The following KIF26B variants were observed in gnomAD, a reference collection of about 807,000 sequenced individuals.
The protein encoded by KIF26B is kinesin-like protein KIF26B.
A neutral mutation model predicts 151.2 loss-of-function variants in KIF26B; 63 were observed. The ratio of observed to expected loss-of-function variants is 0.42; its 90% CI spans 0.34 to 0.51. The LOEUF is 0.51. KIF26B is among the 20% of genes least tolerant of loss of function. The pLI, the probability that KIF26B is intolerant of heterozygous loss-of-function variation, is 0.07. For synonymous variants in KIF26B, 1,357 were observed against 1,262.1 expected, an observed-to-expected ratio of 1.08 and a Z score of -1.59; for missense variants, 2,813 against 2,913.6, an observed-to-expected ratio of 0.97 and a Z score of 0.79.
In KIF26B at chr1:245,708,902, T is replaced by C. The variant is rs1239120403; in HGVS notation, c.*6296T>C. Reference sequence around the variant, plus strand: ...GACAAGGTCTGCCCAGGTGCATTTATTGTGCCAGAAACAGTGAATTCCTAA... The same window carrying C: ...GACAAGGTCTGCCCAGGTGCATTTACTGTGCCAGAAACAGTGAATTCCTAA... On this transcript the variant is annotated 3_prime_UTR_variant, in exon 15 of 15. Transcript: ENST00000407071. The C allele has an allele frequency of 2.0e-5, 3 of 152,218 alleles. No individual in the cohort carries two copies. Among genetic ancestry groups the C allele is most frequent in the Non-Finnish European group, 4.4e-5 (3 of 68,030 alleles). The allele number at this position is 152,218 out of a possible 1,614,324, so 9.4% of individuals were successfully genotyped here. A position where few individuals can be genotyped will look rare whatever the true frequency, so the allele number is the denominator to read the frequency against.
At chr1:245,635,148 T>G (rs2103175751) in intron 9 of KIF26B, among the ~76,000 whole-genome samples, 1 of 151,596 alleles carries the variant, frequency 6.6e-6, no homozygotes, top group South Asian at 2.1e-4. Flanking sequence ...GGTATCAGAT[T>G]AGTATAGTAT....
At chr1:245,256,745 A>T (rs1670543440) in intron 2 of KIF26B, among the ~76,000 whole-genome samples, 1 of 152,224 alleles carries the variant, frequency 6.6e-6, no homozygotes, top group Non-Finnish European at 1.5e-5. Flanking sequence ...ACCAGCATTC[A>T]CATTAAAATA....
chr1:245,158,416 T>C (rs34307594), intron 2 of KIF26B, among the ~76,000 whole-genome samples: 14,577 of 152,298 alleles, frequency 0.096, 772 homozygotes, highest in African/African-American at 0.12. Context: ...AACATTCACT[T>C]ACAGTGTCAC....
At chr1:245,282,314 T>C (rs1484572889) in intron 2 of KIF26B, among the ~76,000 whole-genome samples, 1 of 152,162 alleles carries the variant, frequency 6.6e-6, no homozygotes, top group Non-Finnish European at 1.5e-5. Flanking sequence ...AGAACAAAGC[T>C]GGAGGCATCA....
intron 4 of KIF26B, among the ~76,000 whole-genome samples, chr1:245,506,220 G>A (rs1660726381): frequency 6.6e-6 from 1 of 152,138 alleles, no homozygotes; most frequent in Admixed American, 6.5e-5. Context: ...CCCTCAGTTA[G>A]CCTTTGTCAC....
chr1:245,362,395 G>T (rs1055584939), intron 2 of KIF26B, among the ~76,000 whole-genome samples: 1 of 150,996 alleles, frequency 6.6e-6, no homozygotes, highest in African/African-American at 2.4e-5. Flanking sequence ...AAAATTAGCC[G>T]GGTGTGGTTG....
Position 245,609,389 on chromosome 1 carries a change from C to T in KIF26B, c.1775C>T (p.Ser592Leu), listed in dbSNP as rs934715037. 1.2e-6 allele frequency: 2 copies of T among 1,609,774 alleles called. No homozygotes were observed. The highest frequency in any genetic ancestry group is 2.7e-5 in the African/African-American group (2 of 74,872). Residue 592 changes from serine (S) to leucine (L), a missense_variant, in exon 8 of 15, where the codon TCA becomes TTA. Around this residue, in one of 3 missense-constraint regions of KIF26B, gnomAD observed 77 missense variants for 136.9 expected, o/e 0.56. Transcript: ENST00000407071. ...AAGGAAAAGACCGGCGCCCGTTTCT[C>T]AGTCCGGGTTTCCGCCGTGGAAGTG... ...ERKEKTGARF[S>L]VRVSAVEVWG...
Position 245,688,533 on chromosome 1 carries a change from C to T in KIF26B, c.5550C>T (p.Pro1850=). The change falls in exon 12 of 15, where the codon CCC becomes CCT. Residue 1850 remains proline, a synonymous_variant. Coordinates refer to ENST00000407071, the MANE Select transcript of KIF26B (RefSeq NM_018012.4). ...CGGCCGCGCACCTGCTCCCGTCGCCCTACAGCAAGATCACGCCCCCGCGGA... is the reference window on the plus strand; with the variant it reads ...CGGCCGCGCACCTGCTCCCGTCGCCTTACAGCAAGATCACGCCCCCGCGGA... ...EPAAAHLLPS[P]YSKITPPRRP... 1 of 1,536,596 alleles carries T rather than the reference C, an allele frequency of 6.5e-7. No individual in the cohort carries two copies. The highest frequency in any genetic ancestry group is 1.2e-5 in the South Asian group (1 of 83,620).
At chr1:245,271,582 CT>C (rs541575144) in intron 2 of KIF26B, among the ~76,000 whole-genome samples, 5,695 of 126,820 alleles carry the variant, frequency 0.045, 101 homozygotes, top group African/African-American at 0.062. Flanking sequence ...CAGTCAAATG[CT>C]TTTTTTTTTT....
intron 3 of KIF26B, among the ~76,000 whole-genome samples, chr1:245,384,697 A>G (rs985927541): frequency 4.6e-5 from 7 of 152,266 alleles, no homozygotes; most frequent in Admixed American, 6.5e-5. Context: ...CATTTAATCA[A>G]CAACTGTTTT....
intron 5 of KIF26B, among the ~76,000 whole-genome samples, chr1:245,541,890 G>A (rs1661634398): frequency 6.6e-6 from 1 of 152,126 alleles, no homozygotes; most frequent in Admixed American, 6.5e-5. Flanking sequence ...GCCTCAGAAG[G>A]CCTCTGTCTC....
rs768428085 is a variant in KIF26B, at chr1:245,685,521, T to C, written c.2538T>C (p.Ala846=). 5.0e-6 allele frequency: 8 copies of C among 1,613,414 alleles called. No homozygotes were observed. In the East Asian group the frequency reaches 1.8e-4, roughly 36 times the overall value. ...CGGTGGACCCTGACTTCCCCATCGCTCACCTGTCCAGCGACCCCGACTACT... is the reference window on the plus strand; with the variant it reads ...CGGTGGACCCTGACTTCCCCATCGCCCACCTGTCCAGCGACCCCGACTACT... ...RATVDPDFPI[A]HLSSDPDYSS... is the part of the protein sequence containing the mutation. The change falls in exon 12 of 15, where the codon GCT becomes GCC. Residue 846 remains alanine, a synonymous_variant. Transcript: ENST00000407071.
intron 5 of KIF26B, among the ~76,000 whole-genome samples, chr1:245,556,372 TTCC>T (rs1459304552): frequency 1.7e-5 from 2 of 118,022 alleles, no homozygotes; most frequent in Non-Finnish European, 3.4e-5. Context: ...CTTCTTCTTC[TTCC>T]TCCTTCTTCT....
At chr1:245,530,871 A>T (rs549935838) in intron 4 of KIF26B, among the ~76,000 whole-genome samples, 42 of 152,166 alleles carry the variant, frequency 2.8e-4, no homozygotes, top group Non-Finnish European at 4.9e-4. Flanking sequence ...TAGCTTATTG[A>T]TTGCATAGTT....
intron 2 of KIF26B, among the ~76,000 whole-genome samples, chr1:245,289,905 C>T (rs1384291955): frequency 6.6e-6 from 1 of 152,172 alleles, no homozygotes; most frequent in Non-Finnish European, 1.5e-5. Flanking sequence ...CTAAGCAAAC[C>T]ATCCTTTAGG....
At chr1:245,163,819 G>C (rs1419914955) in intron 2 of KIF26B, among the ~76,000 whole-genome samples, 3 of 152,030 alleles carry the variant, frequency 2.0e-5, no homozygotes, top group African/African-American at 7.2e-5. Context: ...TTTATGTGAA[G>C]GATATTGATC....
At chr1:245,457,186 G>A (rs1031186253) in intron 4 of KIF26B, among the ~76,000 whole-genome samples, 11 of 152,018 alleles carry the variant, frequency 7.2e-5, no homozygotes, top group African/African-American at 2.4e-4. Flanking sequence ...TTTTTAATGA[G>A]AGAATGACCT....
chr1:245,688,219 C>T lies in KIF26B; in HGVS notation c.5236C>T (p.Arg1746Cys). Residue 1746 changes from arginine (R) to cysteine (C), a missense_variant, in exon 12 of 15, where the codon CGC (arginine) becomes TGC (cysteine). Coordinates refer to ENST00000407071, the MANE Select transcript of KIF26B (RefSeq NM_018012.4). ...SRLLLASPRA[R>C]GPSASTTKTL... ...ACTCCTCCTGGCCAGCCCCAGAGCG[C>T]GCGGCCCGTCCGCCTCCACCACCAA... The T allele has an allele frequency of 2.5e-6, 4 of 1,587,900 alleles. No homozygotes were observed. Among genetic ancestry groups the T allele is most frequent in the Middle Eastern group, 1.7e-4 (1 of 6,016 alleles).
At chr1:245,533,664 C>T (rs1278825030) in intron 4 of KIF26B, among the ~76,000 whole-genome samples, 1 of 152,046 alleles carries the variant, frequency 6.6e-6, no homozygotes, top group Non-Finnish European at 1.5e-5. Context: ...AATCTTTAGA[C>T]ACTAAGGATA....
Sources: gnomAD v4.1 joint callset for allele counts (sites outside exome capture counted in the v4.1 genomes callset) on GRCh38, gnomAD v4.1.1 for gene constraint, gnomAD v4.1.1 regional missense constraint, MANE v1.5 for transcripts, NCBI Gene and HGNC (gene_info 2026-07-23, HGNC 2026-07-21) for gene names.